The following YWHAE variants were observed in gnomAD, a reference collection of about 807,000 sequenced individuals.
YWHAE encodes tyrosine 3-monooxygenase/tryptophan 5-monooxygenase activation protein epsilon, also known as 14-3-3 protein epsilon.
YWHAE carries 4 observed loss-of-function variants against 30.1 expected under a neutral mutation model. The observed-to-expected ratio is 0.13, with a 90% CI of 0.07 to 0.30. The LOEUF (loss-of-function observed/expected upper bound fraction) is 0.30. Among genes scored for constraint, YWHAE ranks in the 10% least tolerant of loss-of-function variants. The pLI is 1.00. For missense variants in YWHAE, 121 were observed against 315.9 expected (o/e 0.38, Z 4.68); for synonymous variants, 118 against 111.8 (o/e 1.06, Z -0.35).
intron 4 of YWHAE, among the ~76,000 whole-genome samples, chr17:1,355,113 TTTTA>T (rs2072712252): frequency 6.5e-5 from 1 of 15,320 alleles, no homozygotes; most frequent in Non-Finnish European, 9.7e-5. Context: ...CCCCAAGATT[TTTTA>T]AAAAAAAAAA....
In YWHAE at chr17:1,361,425, A is replaced by C. The variant is rs1455938453; in HGVS notation, c.372-127T>G. 8.6e-6 allele frequency: 6 copies of C among 698,168 alleles called. No homozygotes were observed. In the Admixed American group the frequency reaches 2.2e-4, roughly 25 times the overall value. 43.2% of individuals were successfully genotyped at this position (698,168 alleles called of 1,614,324 possible). ...AAAAATATATGTAACAATTAGGTGT[A>C]CTTCAATAATTTTAAACACTCTCAG... On this transcript the variant is annotated intron_variant, in intron 3 of 5. Coordinates refer to ENST00000264335, the MANE Select transcript of YWHAE (RefSeq NM_006761.5).
At chr17:1,370,041 T>C (rs935069687) in intron 1 of YWHAE, among the ~76,000 whole-genome samples, 2 of 152,004 alleles carry the variant, frequency 1.3e-5, no homozygotes, top group East Asian at 1.9e-4. Context: ...AAGTCTGCCA[T>C]GTTGATGGGC....
Position 1,354,478 on chromosome 17 carries a change from G to A in YWHAE, c.579-131C>T. The A allele has an allele frequency of 6.6e-6, 6 of 911,682 alleles. No homozygotes were observed. In the South Asian group the frequency reaches 8.9e-5, roughly 13 times the overall value. 56.5% of individuals were successfully genotyped at this position (911,682 alleles called of 1,614,324 possible). A position where few individuals can be genotyped will look rare whatever the true frequency, so the allele number is the denominator to read the frequency against. ...GTCACAATGATAATGCAAAGAAAAA[G>A]CAAATACAATAAAAATTAACTTAAA... On this transcript the variant is annotated intron_variant, in intron 4 of 5. Coordinates refer to ENST00000264335, the MANE Select transcript of YWHAE (RefSeq NM_006761.5).
intron 4 of YWHAE, among the ~76,000 whole-genome samples, chr17:1,354,999 A>C (rs2072708110): frequency 3.3e-5 from 2 of 60,980 alleles, no homozygotes; most frequent in Non-Finnish European, 7.0e-5. Context: ...TTTTTTTTTA[A>C]GGGATTCGTT....
intron 1 of YWHAE, among the ~76,000 whole-genome samples, chr17:1,372,390 T>C (rs938409166): frequency 3.3e-5 from 5 of 152,256 alleles, no homozygotes; most frequent in Admixed American, 3.3e-4. Context: ...ATTGCTGTGT[T>C]CACTGGACTA....
At chr17:1,387,340 A>G (rs2073314428) in intron 1 of YWHAE, among the ~76,000 whole-genome samples, 1 of 152,238 alleles carries the variant, frequency 6.6e-6, no homozygotes. Flanking sequence ...GTGAAACCTG[A>G]GGTGGAAAAT....
intron 1 of YWHAE, among the ~76,000 whole-genome samples, chr17:1,382,643 A>C (rs1202875941): frequency 6.6e-6 from 1 of 151,944 alleles, no homozygotes; most frequent in Non-Finnish European, 1.5e-5. Context: ...TACAGGCGTG[A>C]GCCACCACGC....
intron 4 of YWHAE, among the ~76,000 whole-genome samples, chr17:1,358,688 A>G (rs2072802138): frequency 6.6e-6 from 1 of 151,882 alleles, no homozygotes. Flanking sequence ...AAATTAGCCA[A>G]GCATGGTGGC....
chr17:1,367,079 C>T (rs538208871), intron 1 of YWHAE, among the ~76,000 whole-genome samples: 4 of 152,202 alleles, frequency 2.6e-5, no homozygotes, highest in Admixed American at 1.3e-4. Flanking sequence ...AAAGTCTCTT[C>T]GAAAAATATT....
chr17:1,372,096 C>A (rs1307824172), intron 1 of YWHAE, among the ~76,000 whole-genome samples: 2 of 152,228 alleles, frequency 1.3e-5, no homozygotes, highest in East Asian at 1.9e-4. Context: ...CCTCGGCCCC[C>A]CAAAGCGCTG....
intron 1 of YWHAE, among the ~76,000 whole-genome samples, chr17:1,389,602 C>A (rs2073358944): frequency 6.6e-6 from 1 of 150,776 alleles, no homozygotes; most frequent in Non-Finnish European, 1.5e-5. Flanking sequence ...GCGATCCTGG[C>A]TCACTGCAAG....
Position 1,345,158 on chromosome 17 carries a change from G to A in YWHAE, c.*289C>T, listed in dbSNP as rs762443345. The A allele has an allele frequency of 4.1e-5, 18 of 435,172 alleles. No homozygotes were observed. The highest frequency in any genetic ancestry group is 5.7e-5 in the Non-Finnish European group (14 of 244,774). 27.0% of individuals were successfully genotyped at this position (435,172 alleles called of 1,614,324 possible). ...GCTAATGGTGATCTTGCCACATCTG[G>A]CACGGAGACGACACAGTAATGCTGA... On this transcript the variant is annotated 3_prime_UTR_variant, in exon 6 of 6. Coordinates refer to ENST00000264335, the MANE Select transcript of YWHAE (RefSeq NM_006761.5).
intron 1 of YWHAE, among the ~76,000 whole-genome samples, chr17:1,372,740 G>A (rs1490310460): frequency 6.6e-6 from 1 of 152,054 alleles, no homozygotes; most frequent in Non-Finnish European, 1.5e-5. Flanking sequence ...GATCATGTGA[G>A]CCTAGGAGTT....
rs1441932448 is a variant in YWHAE at position 1,359,797 on chromosome 17, G to A, written c.578+1295C>T. On this transcript the variant is annotated intron_variant, in intron 4 of 5. Coordinates refer to ENST00000264335, the MANE Select transcript of YWHAE (RefSeq NM_006761.5). ...ATTACACAACACTGTCAATGTATTC[G>A]GTGCCACTAAATTGTTGTGTGTGTG... Among the ~76,000 whole-genome samples, 5 of 145,142 alleles carry A rather than the reference G, an allele frequency of 3.4e-5. No homozygotes were observed. In the East Asian group the frequency reaches 1.0e-3, roughly 30 times the overall value.
chr17:1,354,275 A>G lies in YWHAE; in HGVS notation c.651T>C (p.Ser217=), dbSNP rs1334044926. ...CACGTAACAACTGCATGATAAGTGT[A>G]GAGTCCTTATAGCTTTCTTCACTCA... The part of the protein sequence containing the change: ...DTLSEESYKD[S]TLIMQLLRDN... Residue 217 remains serine, a synonymous_variant, in exon 5 of 6, where the codon TCT becomes TCC. Transcript: ENST00000264335. 1.2e-6 allele frequency: 2 copies of G among 1,614,226 alleles called. No individual in the cohort carries two copies. The highest frequency in any genetic ancestry group is 1.3e-5 in the African/African-American group (1 of 75,070).
chr17:1,352,896 G>GCACCAC (rs1216653749), intron 5 of YWHAE, among the ~76,000 whole-genome samples: 2 of 152,046 alleles, frequency 1.3e-5, no homozygotes, highest in East Asian at 1.9e-4. Flanking sequence ...CCTCCTACCA[G>GCACCAC]CACCACCACC....
intron 5 of YWHAE, among the ~76,000 whole-genome samples, chr17:1,351,378 C>CA (rs1041790727): frequency 0.032 from 4,354 of 137,414 alleles, 131 homozygotes; most frequent in African/African-American, 0.088. Flanking sequence ...AACTCCATCT[C>CA]AAAAAAAAAA....
intron 1 of YWHAE, chr17:1,399,821 TC>T: frequency 4.8e-6 from 1 of 209,054 alleles, no homozygotes; most frequent in Non-Finnish European, 8.8e-6. Context: ...CGCCCCGGCC[TC>T]CCGGCCCGCG....
chr17:1,373,182 G>A (rs1464033997), intron 1 of YWHAE, among the ~76,000 whole-genome samples: 2 of 151,854 alleles, frequency 1.3e-5, no homozygotes, highest in Non-Finnish European at 2.9e-5. Context: ...GGCGGAACTT[G>A]CGGTGAGCCA....
Sources: allele counts gnomAD v4.1 joint callset (sites outside exome capture counted in the v4.1 genomes callset), GRCh38; gene constraint gnomAD v4.1.1; transcripts MANE v1.5; gene names NCBI Gene and HGNC (gene_info 2026-07-23, HGNC 2026-07-21).